The following DPYD variants were observed in gnomAD, a reference collection of about 807,000 sequenced individuals.
DPYD encodes dihydropyrimidine dehydrogenase [NADP(+)].
In DPYD, 109 loss-of-function variants were observed where a neutral mutation model predicts 116.2. The ratio of observed to expected loss-of-function variants is 0.94; its 90% confidence interval spans 0.80 to 1.10. The LOEUF (loss-of-function observed/expected upper bound fraction) is 1.10. Among genes scored for constraint, DPYD ranks in the 50% least tolerant of loss-of-function variants. The probability of loss-of-function intolerance (pLI) is 0.00; values close to 1 mark genes in which losing one functional copy is unlikely to be tolerated. For synonymous variants in DPYD, 440 were observed against 432.0 expected, an observed-to-expected ratio of 1.02 and a Z score of -0.23; for missense variants, 1,302 against 1,254.5, an observed-to-expected ratio of 1.04 and a Z score of -0.57.
chr1:97,436,268 G>A (rs984823826), intron 14 of DPYD, among the ~76,000 whole-genome samples: 3 of 151,976 alleles, frequency 2.0e-5, no homozygotes, highest in Non-Finnish European at 4.4e-5. Flanking sequence ...GAATTGTTAT[G>A]AAATATTACT....
In DPYD at chr1:97,318,510, C is replaced by T. The variant is rs376102177; in HGVS notation, c.2059-12213G>A. Among the ~76,000 whole-genome samples, 57 of 151,986 alleles carry T rather than the reference C, an allele frequency of 3.8e-4. 1 individual carries two copies. The East Asian group carries it at 8.8e-3, about 23-fold the overall frequency. ...GGCCATTACATAATGGTAAAGGGAT[C>T]AATTCAACAAGAGGAGCTAACTATC... On this transcript the variant is annotated intron_variant, in intron 16 of 22. Transcript: ENST00000370192.
chr1:97,257,452 T>TATATATATAGAGAGAGAGAGAG (rs375490078), intron 18 of DPYD, among the ~76,000 whole-genome samples: 46 of 126,458 alleles, frequency 3.6e-4, no homozygotes, highest in South Asian at 2.4e-3. Context: ...TATATATATA[T>TATATATATAGAGAGAGAGAGAG]AGAGAGAGAG....
rs777560627 is a variant in DPYD, at chr1:97,593,357, G to A, written c.989C>T (p.Ser330Leu). 4 of 1,613,958 alleles carry A rather than the reference G, an allele frequency of 2.5e-6. No individual in the cohort carries two copies. Among genetic ancestry groups the A allele is most frequent in the African/African-American group, 1.3e-5 (1 of 74,892 alleles). The change falls in exon 10 of 23, where the codon TCG (serine) becomes TTG (leucine). Residue 330 changes from serine (S) to leucine (L), a missense_variant. Coordinates refer to ENST00000370192, the MANE Select transcript of DPYD (RefSeq NM_000110.4). ...GMCACHSPLP[S>L]IRGVVIVLGA... Reference sequence around the variant, plus strand: ...AAGTACAATCACGACTCCCCGTATCGATGGCAATGGAGAGTGACAGGCGCA... The same window carrying A: ...AAGTACAATCACGACTCCCCGTATCAATGGCAATGGAGAGTGACAGGCGCA...
chr1:97,175,041 T>C (rs1344190511), intron 20 of DPYD, among the ~76,000 whole-genome samples: 3 of 152,208 alleles, frequency 2.0e-5, no homozygotes, highest in South Asian at 2.1e-4. Context: ...CAAAACCTTA[T>C]GGATATGTGC....
chr1:97,434,982 C>T (rs1364433787), intron 14 of DPYD, among the ~76,000 whole-genome samples: 1 of 151,890 alleles, frequency 6.6e-6, no homozygotes, highest in East Asian at 1.9e-4. Flanking sequence ...CATCTGTATC[C>T]TATAAATGGC....
chr1:97,457,628 A>C (rs1331145540), intron 13 of DPYD, among the ~76,000 whole-genome samples: 1 of 152,166 alleles, frequency 6.6e-6, no homozygotes, highest in Non-Finnish European at 1.5e-5. Flanking sequence ...TTCATTCACC[A>C]ACTCACTAGG....
At chr1:97,691,659 T>C (rs1347783726) in intron 7 of DPYD, 58 bp downstream of exon 7, 2 of 1,379,968 alleles carry the variant, frequency 1.4e-6, no homozygotes, top group African/African-American at 1.4e-5. Flanking sequence ...TAATCTTTAG[T>C]GTAGAGCTTA....
intron 5 of DPYD, among the ~76,000 whole-genome samples, chr1:97,704,382 G>A (rs1205860050): frequency 6.6e-6 from 1 of 151,720 alleles, no homozygotes; most frequent in African/African-American, 2.4e-5. Flanking sequence ...AACTAATATT[G>A]TAACACTTTA....
At chr1:97,316,513 CAATAAAATAA>C (rs57832711) in intron 16 of DPYD, among the ~76,000 whole-genome samples, 28,680 of 124,006 alleles carry the variant, frequency 0.23, 3,358 homozygotes, top group East Asian at 0.29. Context: ...GACTCTGTCT[CAATAAAATAA>C]AATAAAATAA....
At chr1:97,309,661 T>C (rs529518153) in intron 16 of DPYD, among the ~76,000 whole-genome samples, 2 of 151,880 alleles carry the variant, frequency 1.3e-5, no homozygotes, top group South Asian at 4.1e-4. Flanking sequence ...CAGCCCAGTG[T>C]CTGCCTGCAA....
chr1:97,920,745 C>G (rs183189406), intron 1 of DPYD, 139 bp downstream of exon 1: 1 of 1,272,176 alleles, frequency 7.9e-7, no homozygotes, highest in East Asian at 2.5e-5. Flanking sequence ...TCCGCTCCCC[C>G]GCAGAGCTCC....
At chr1:97,358,204 G>A (rs989809323) in intron 16 of DPYD, among the ~76,000 whole-genome samples, 13 of 152,212 alleles carry the variant, frequency 8.5e-5, no homozygotes, top group African/African-American at 2.7e-4. Flanking sequence ...TATGGCTAGC[G>A]CAGCAGTCTG....
chr1:97,129,928 T>C (rs550539926), intron 20 of DPYD, among the ~76,000 whole-genome samples: 116 of 152,332 alleles, frequency 7.6e-4, no homozygotes, highest in African/African-American at 2.7e-3. Flanking sequence ...AATGTTGGTT[T>C]TGCTCACGAG....
At chr1:97,919,124 T>C (rs1485191844) in intron 1 of DPYD, among the ~76,000 whole-genome samples, 1 of 152,206 alleles carries the variant, frequency 6.6e-6, no homozygotes, top group Non-Finnish European at 1.5e-5. Flanking sequence ...TCTTTCATGG[T>C]ATTCTAGCTC....
At chr1:97,605,377 C>T (rs957927697) in intron 8 of DPYD, among the ~76,000 whole-genome samples, 2 of 152,020 alleles carry the variant, frequency 1.3e-5, no homozygotes, top group African/African-American at 4.8e-5. Flanking sequence ...TTCCCCCATG[C>T]TGTTCTCATG....
intron 8 of DPYD, among the ~76,000 whole-genome samples, chr1:97,595,966 C>G (rs1654849846): frequency 6.6e-6 from 1 of 151,966 alleles, no homozygotes; most frequent in African/African-American, 2.4e-5. Context: ...CATACTCTTT[C>G]AGTGGAAATA....
At chr1:97,091,227 T>C (rs1649877338) in intron 21 of DPYD, among the ~76,000 whole-genome samples, 1 of 152,076 alleles carries the variant, frequency 6.6e-6, no homozygotes, top group Non-Finnish European at 1.5e-5. Flanking sequence ...AGCAGTGTCA[T>C]GGAGTTTAAA....
At chr1:97,137,717 G>A (rs1277620894) in intron 20 of DPYD, among the ~76,000 whole-genome samples, 1 of 152,156 alleles carries the variant, frequency 6.6e-6, no homozygotes, top group Non-Finnish European at 1.5e-5. Flanking sequence ...TGCGCTGCAA[G>A]CAGGCCTAAA....
chr1:97,857,538 G>A (rs868562469), intron 2 of DPYD, among the ~76,000 whole-genome samples: 27 of 152,118 alleles, frequency 1.8e-4, no homozygotes, highest in South Asian at 4.1e-4. Context: ...AACCCAAAAC[G>A]AGAGGATTCA....
Sources: gnomAD v4.1 joint callset for allele counts (sites outside exome capture counted in the v4.1 genomes callset) on GRCh38, gnomAD v4.1.1 for gene constraint, MANE v1.5 for transcripts, NCBI Gene and HGNC (gene_info 2026-07-23, HGNC 2026-07-21) for gene names.